The following EXOC4 variants were observed in gnomAD, a reference collection of about 807,000 sequenced individuals.
EXOC4 encodes SEC8-like 1.
EXOC4 carries 71 observed loss-of-function variants against 107.2 expected under a neutral mutation model. That is an observed-to-expected ratio of 0.66 (90% CI 0.55 to 0.81). The LOEUF (loss-of-function observed/expected upper bound fraction) is 0.81. Ranked by LOEUF, EXOC4 falls within the 30% of genes least tolerant of loss-of-function variation. The probability of loss-of-function intolerance (pLI) is 0.00; values close to 1 mark genes in which losing one functional copy is unlikely to be tolerated. For missense variants in EXOC4, 1,108 were observed against 1,189.6 expected (o/e 0.93, Z 1.01); for synonymous variants, 456 against 441.2 (o/e 1.03, Z -0.42).
chr7:133,986,374 A>G (rs1794114461), intron 14 of EXOC4, among the ~76,000 whole-genome samples: 1 of 152,234 alleles, frequency 6.6e-6, no homozygotes, highest in Non-Finnish European at 1.5e-5. Context: ...ACTAGATTAT[A>G]GATGGTTTGG....
intron 12 of EXOC4, among the ~76,000 whole-genome samples, chr7:133,900,866 A>C (rs751765366): frequency 1.3e-4 from 20 of 152,128 alleles, no homozygotes; most frequent in Non-Finnish European, 2.6e-4. Flanking sequence ...TTATCCATTA[A>C]ATTTAATGTT....
At chr7:134,061,711 C>G (rs915200409) in intron 17 of EXOC4, among the ~76,000 whole-genome samples, 1 of 152,144 alleles carries the variant, frequency 6.6e-6, no homozygotes, top group African/African-American at 2.4e-5. Context: ...AGACAACTCC[C>G]TCCATCACCT....
intron 10 of EXOC4, among the ~76,000 whole-genome samples, chr7:133,705,504 C>T (rs1403647806): frequency 1.3e-5 from 2 of 152,180 alleles, no homozygotes; most frequent in African/African-American, 2.4e-5. Flanking sequence ...TCCTCCTTAT[C>T]CACAATTTTG....
chr7:133,561,432 A>G (rs1030168606), intron 9 of EXOC4, among the ~76,000 whole-genome samples: 5 of 152,290 alleles, frequency 3.3e-5, no homozygotes, highest in Non-Finnish European at 2.9e-5. Context: ...CCAGGAAGCC[A>G]TTACCCCTAT....
intron 14 of EXOC4, among the ~76,000 whole-genome samples, chr7:133,950,598 A>G (rs938301062): frequency 5.9e-5 from 9 of 152,262 alleles, no homozygotes; most frequent in Non-Finnish European, 1.3e-4. Flanking sequence ...AAGTTTGATG[A>G]TAAGATTTTG....
intron 13 of EXOC4, among the ~76,000 whole-genome samples, chr7:133,935,825 C>T (rs914764822): frequency 6.6e-6 from 1 of 152,134 alleles, no homozygotes; most frequent in Non-Finnish European, 1.5e-5. Context: ...AGCTGGAAGA[C>T]AGTTACATGG....
intron 10 of EXOC4, among the ~76,000 whole-genome samples, chr7:133,780,029 A>C (rs556544425): frequency 1.3e-5 from 2 of 152,284 alleles, no homozygotes; most frequent in East Asian, 3.9e-4. Context: ...AACTCGGGAC[A>C]CACCCTGATG....
At chr7:134,075,615 T>C in the EXOC4 span, among the ~76,000 whole-genome samples, 1 of 152,206 alleles carries the variant, frequency 6.6e-6, no homozygotes, top group Admixed American at 6.5e-5. Flanking sequence ...AGTCATCTCC[T>C]ACTGGGTCCC....
At chr7:133,756,166 ATCATTT>A (rs1422433455) in intron 10 of EXOC4, among the ~76,000 whole-genome samples, 1 of 152,188 alleles carries the variant, frequency 6.6e-6, no homozygotes, top group African/African-American at 2.4e-5. Context: ...TTTCATAATT[ATCATTT>A]TCATCATAAA....
At chr7:133,806,584 G>T (rs539192858) in intron 10 of EXOC4, among the ~76,000 whole-genome samples, 1 of 152,156 alleles carries the variant, frequency 6.6e-6, no homozygotes, top group African/African-American at 2.4e-5. Flanking sequence ...ACACACTTTA[G>T]GGTTTTCAGC....
At chr7:133,259,226 T>A (rs1418519509) in intron 1 of EXOC4, among the ~76,000 whole-genome samples, 3 of 151,496 alleles carry the variant, frequency 2.0e-5, no homozygotes, top group African/African-American at 7.3e-5. Flanking sequence ...ACCCATAGTT[T>A]AATTTCTTTT....
At chr7:133,489,447 C>T (rs1176922240) in intron 9 of EXOC4, among the ~76,000 whole-genome samples, 1 of 152,100 alleles carries the variant, frequency 6.6e-6, no homozygotes, top group African/African-American at 2.4e-5. Flanking sequence ...GTTTTCTGGA[C>T]AGCAGCACTT....
At chr7:133,735,587 C>T (rs1181224598) in intron 10 of EXOC4, among the ~76,000 whole-genome samples, 2 of 152,120 alleles carry the variant, frequency 1.3e-5, no homozygotes, top group Non-Finnish European at 2.9e-5. Flanking sequence ...GAAGAGTCTT[C>T]TTCTAGCATG....
chr7:133,447,193 A>G (rs2150801984), intron 7 of EXOC4: 1 of 152,358 alleles, frequency 6.6e-6, no homozygotes, highest in South Asian at 2.1e-4. Context: ...TATAAAATAC[A>G]TCATTTTCTA....
At chr7:133,878,177 T>C (rs1362140214) in intron 11 of EXOC4, among the ~76,000 whole-genome samples, 4 of 152,228 alleles carry the variant, frequency 2.6e-5, no homozygotes, top group Admixed American at 2.0e-4. Context: ...AGAAAAAGTT[T>C]CTAATATCTC....
At chr7:133,760,608 C>A (rs1259160656) in intron 10 of EXOC4, among the ~76,000 whole-genome samples, 1 of 152,060 alleles carries the variant, frequency 6.6e-6, no homozygotes, top group Non-Finnish European at 1.5e-5. Context: ...TCCTTTCTGC[C>A]CATCTGTTTT....
chr7:133,383,292 T>C (rs919807937), intron 7 of EXOC4, among the ~76,000 whole-genome samples: 1 of 152,192 alleles, frequency 6.6e-6, no homozygotes, highest in African/African-American at 2.4e-5. Flanking sequence ...ACATCTCATT[T>C]CAAAACACAA....
In EXOC4 at chr7:133,410,004, G is replaced by A. The variant is rs142699011; in HGVS notation, c.1182+35002G>A. On this transcript the variant is annotated intron_variant, in intron 7 of 17. Transcript: ENST00000253861. ...AGCTTGATTTTACCAATAAAGATTA[G>A]AGACTGAGTATACAGATTTGCTGGG... Among the ~76,000 whole-genome samples, 367 of 152,312 alleles carry A rather than the reference G, an allele frequency of 2.4e-3. 5 individuals are homozygous for A. Among genetic ancestry groups the A allele is most frequent in the African/African-American group, 8.2e-3 (342 of 41,572 alleles).
intron 9 of EXOC4, among the ~76,000 whole-genome samples, chr7:133,569,000 A>AAAAAT (rs1445460358): frequency 6.6e-6 from 1 of 152,176 alleles, no homozygotes; most frequent in African/African-American, 2.4e-5. Flanking sequence ...TTAGCAAAGT[A>AAAAAT]AAAATAAGTA....
Sources: allele counts gnomAD v4.1 joint callset (sites outside exome capture counted in the v4.1 genomes callset), GRCh38; gene constraint gnomAD v4.1.1; transcripts MANE v1.5; gene names NCBI Gene and HGNC (gene_info 2026-07-23, HGNC 2026-07-21).